NBEAL2: variants seen among roughly 807,000 people sequenced by gnomAD.
NBEAL2 encodes the protein neurobeachin-like protein 2.
A neutral mutation model predicts 299.8 loss-of-function variants in NBEAL2; 160 were observed. The ratio of observed to expected loss-of-function variants is 0.53; its 90% confidence interval spans 0.47 to 0.61. NBEAL2 has a LOEUF of 0.61. Among genes scored for constraint, NBEAL2 ranks in the 20% least tolerant of loss-of-function variants. The pLI is 0.00. For missense variants in NBEAL2, 3,112 were observed against 3,649.0 expected (o/e 0.85, Z 3.79); for synonymous variants, 1,493 against 1,542.3 (o/e 0.97, Z 0.75).
intron 26 of NBEAL2, 58 bp downstream of exon 26, chr3:46,999,773 C>T (rs2036818374): frequency 6.3e-7 from 1 of 1,592,734 alleles, no homozygotes; most frequent in Non-Finnish European, 8.6e-7. Flanking sequence ...ACCCTCTGGC[C>T]TTCCACCTTG....
Position 47,009,502 on chromosome 3 carries a change from GC to G in NBEAL2, c.*186del, listed in dbSNP as rs1251154664. The G allele has an allele frequency of 3.1e-6, 2 of 645,624 alleles. No homozygotes were observed. The highest frequency in any genetic ancestry group is 5.2e-6 in the Non-Finnish European group (2 of 381,582). The allele number at this position is 645,624 out of a possible 1,614,324, so 40.0% of individuals were successfully genotyped here. Reference sequence around the variant, plus strand: ...TCAGGGATTGGCGGGCGGAAGTCCCGCCCCTCGCCGGCTGAGGGGCCGCCCT... The same window carrying G: ...TCAGGGATTGGCGGGCGGAAGTCCCGCCCTCGCCGGCTGAGGGGCCGCCCT... On this transcript the variant is annotated 3_prime_UTR_variant, in exon 54 of 54. Transcript: ENST00000450053.
At chr3:47,005,893 A>G in intron 42 of NBEAL2, 46 bp downstream of exon 42, 1 of 1,612,842 alleles carries the variant, frequency 6.2e-7, no homozygotes, top group Non-Finnish European at 8.5e-7. Context: ...GGGGTTCTGA[A>G]GATCATGGGG....
Position 47,006,279 on chromosome 3 carries a change from G to A in NBEAL2, c.7017+17G>A. 3.7e-6 allele frequency: 6 copies of A among 1,612,182 alleles called. No individual in the cohort carries two copies. Among genetic ancestry groups the A allele is most frequent in the Non-Finnish European group, 5.1e-6 (6 of 1,179,214 alleles). On this transcript the variant is annotated intron_variant, in intron 44 of 53. Coordinates refer to ENST00000450053, the MANE Select transcript of NBEAL2 (RefSeq NM_015175.3). ...CTGCTGAAGGTAAGGCCAGCTTAGA[G>A]GATAGTGGCCAGGGATGCCCATGCC...
rs578159137 is a variant in NBEAL2, at chr3:46,995,360, G to A, written c.1625G>A (p.Gly542Glu). Residue 542 changes from glycine to glutamate, a missense_variant, in exon 13 of 54, where the codon GGA (glycine) becomes GAA (glutamate). Transcript: ENST00000450053. ...ELRHLLRPRP[G>E]LDSEPGGAEA... ...CGTCACCTGCTGCGCCCCCGGCCAG[G>A]ATTGGACTCGGAACCAGGCGGAGCT... 12 of 1,611,896 alleles carry A rather than the reference G, an allele frequency of 7.4e-6. No homozygotes were observed. The African/African-American group carries it at 1.5e-4, about 20-fold the overall frequency.
chr3:46,996,120 G>T, intron 15 of NBEAL2, 69 bp downstream of exon 15: 3 of 1,553,206 alleles, frequency 1.9e-6, no homozygotes, highest in South Asian at 2.4e-5. Context: ...GGCAGGTGTA[G>T]CCTGGAGCCC....
rs200571032 is a variant in NBEAL2, at chr3:47,004,377, C to T, written c.6182C>T (p.Ala2061Val). ...SSRSPQEMLRASGLTQKWVQR... is the reference protein window; with the variant it reads ...SSRSPQEMLRVSGLTQKWVQR... ...CGCTCCCCCCAGGAGATGCTGCGTG[C>T]CTCAGGCCTTACCCAGGTGAGAGCC... is the stretch of plus-strand genomic sequence containing the variant. Residue 2061 changes from alanine to valine, a missense_variant, in exon 37 of 54, where the codon GCC becomes GTC. Ala to Val is a moderately conservative substitution (Grantham distance 64). Coordinates refer to ENST00000450053, the MANE Select transcript of NBEAL2 (RefSeq NM_015175.3). This position sits in a 1 kb window ranked among gnomAD's most constrained non-coding sequence, Gnocchi z 5.0. The T allele has an allele frequency of 8.2e-6, 13 of 1,594,154 alleles. No individual in the cohort carries two copies. The highest frequency in any genetic ancestry group is 6.7e-5 in the African/African-American group (5 of 74,734).
In NBEAL2 at chr3:47,002,032, T is replaced by C. The variant is rs892114640; in HGVS notation, c.4895T>C (p.Val1632Ala). The change falls in exon 31 of 54, where the codon GTG becomes GCG. Residue 1632 changes from valine to alanine, a missense_variant. Physicochemically the swap from Val to Ala is moderately conservative, Grantham distance 64. Transcript: ENST00000450053. Reference sequence around the variant, plus strand: ...AAGCTGGAGGCTGCACTGGGGCGGGTGCTGAACACCTCTTCCTTGGAGTCA... The same window carrying C: ...AAGCTGGAGGCTGCACTGGGGCGGGCGCTGAACACCTCTTCCTTGGAGTCA... ...LSKLEAALGRVLNTSSLESAT... is the reference protein window; with the variant it reads ...LSKLEAALGRALNTSSLESAT... The C allele has an allele frequency of 3.2e-6, 5 of 1,567,340 alleles. No homozygotes were observed. The highest frequency in any genetic ancestry group is 4.3e-6 in the Non-Finnish European group (5 of 1,156,604).
Position 47,007,552 on chromosome 3 carries a change from G to A in NBEAL2, c.7362G>A (p.Trp2454Ter). 2 of 1,612,448 alleles carry A rather than the reference G, an allele frequency of 1.2e-6. No homozygotes were observed. The highest frequency in any genetic ancestry group is 1.1e-5 in the South Asian group (1 of 90,894). The change falls in exon 48 of 54, where the codon TGG becomes TGA. Residue 2454 changes from tryptophan to a stop codon, truncating the protein, a stop_gained. Coordinates refer to ENST00000450053, the MANE Select transcript of NBEAL2 (RefSeq NM_015175.3). LOFTEE classifies it high-confidence loss of function. ...HKTQRLLSGPWVPGSGVSGQA... is the reference protein window; with the variant it reads ...HKTQRLLSGP ...CGCAGCGACTGCTGAGTGGCCCGTG[G>A]GTGCCAGGCAGTGGTGTGAGTGGAC...
At chr3:46,996,651 G>C (rs781005652) in intron 16 of NBEAL2, 59 bp downstream of exon 16, 1 of 1,524,086 alleles carries the variant, frequency 6.6e-7, no homozygotes, top group South Asian at 1.3e-5. Context: ...GGTCCGGGGG[G>C]AGAAGGCATC....
Position 46,988,418 on chromosome 3 carries a change from G to C in NBEAL2, c.52-251G>C, listed in dbSNP as rs1007053861. Among the ~76,000 whole-genome samples, 1 of 152,166 alleles carries C rather than the reference G, an allele frequency of 6.6e-6. No homozygotes were observed. The highest frequency in any genetic ancestry group is 1.5e-5 in the Non-Finnish European group (1 of 68,016). On this transcript the variant is annotated intron_variant, in intron 1 of 53. Coordinates refer to ENST00000450053, the MANE Select transcript of NBEAL2 (RefSeq NM_015175.3). This position sits in a 1 kb window ranked among gnomAD's most constrained non-coding sequence, Gnocchi z 4.4. ...GTGGGAGCAGAAACTGGGAGGCTGA[G>C]AGAAGCAGTGGGGTGCCTGGAAAAG...
At position 46,998,125 on chromosome 3, in the gene NBEAL2, A is replaced by C. The variant is rs1405964989; in HGVS notation, c.3017A>C (p.Gln1006Pro). ...VLMSAQLLME[Q>P]VAAEGSGPLL... ...ATGTCCGCCCAGCTGCTGATGGAGC[A>C]GGTGGCAGCTGAGGGCAGCGGGCCC... Residue 1006 changes from glutamine (Q) to proline (P), a missense_variant, in exon 21 of 54, where the codon CAG (glutamine) becomes CCG (proline). Physicochemically the swap from Gln to Pro is moderately conservative, Grantham distance 76. Transcript: ENST00000450053. 6.3e-7 allele frequency: 1 copy of C among 1,590,516 alleles called. No individual in the cohort carries two copies. Among genetic ancestry groups the C allele is most frequent in the African/African-American group, 1.3e-5 (1 of 74,418 alleles).
Position 46,989,154 on chromosome 3 carries a change from G to A in NBEAL2, c.339G>A (p.Lys113=). ...CCCGAGTGCTGGCACTGTTGACCAAGTTGGTGGCGGAGGTGAAGTGGCCTC... is the reference window on the plus strand; with the variant it reads ...CCCGAGTGCTGGCACTGTTGACCAAATTGGTGGCGGAGGTGAAGTGGCCTC... ...LVPRVLALLT[K]LVAELKGCPP... is the part of the protein sequence containing the mutation. Residue 113 remains lysine (K), a synonymous_variant, in exon 4 of 54, where the codon AAG becomes AAA. Transcript: ENST00000450053. The surrounding 1 kb of genome is among the most constrained non-coding windows in gnomAD (Gnocchi z 5.5). 1 of 1,613,962 alleles carries A rather than the reference G, an allele frequency of 6.2e-7. No individual in the cohort carries two copies. Among genetic ancestry groups the A allele is most frequent in the South Asian group, 1.1e-5 (1 of 91,078 alleles).
intron 40 of NBEAL2, 67 bp downstream of exon 40, chr3:47,005,388 T>A: frequency 6.4e-7 from 1 of 1,573,756 alleles, no homozygotes; most frequent in South Asian, 1.2e-5. Context: ...CCTCCCCACA[T>A]CCTGGGCCCA....
Position 47,009,220 on chromosome 3 carries a change from T to G in NBEAL2, c.8165T>G (p.Val2722Gly). ...IVVVAGQPSE[V>G]RSSQFARKLW... ...CTACTCAACCCTTACGCCCACCAGG[T>G]GCGCAGCAGCCAGTTCGCGCGGAAG... Residue 2722 changes from valine to glycine, a missense_variant and splice_region_variant, in exon 54 of 54, where the codon GTG (valine) becomes GGG (glycine). Val to Gly is a moderately radical substitution (Grantham distance 109). Coordinates refer to ENST00000450053, the MANE Select transcript of NBEAL2 (RefSeq NM_015175.3). 1 of 1,593,348 alleles carries G rather than the reference T, an allele frequency of 6.3e-7. No individual in the cohort carries two copies. The highest frequency in any genetic ancestry group is 8.5e-7 in the Non-Finnish European group (1 of 1,171,698).
rs749824164 is a variant in NBEAL2, at chr3:47,009,124, G to A, written c.8163G>A (p.Glu2721=). Residue 2721 remains glutamate (E), a splice_region_variant and synonymous_variant, in exon 53 of 54, where the codon GAG becomes GAA. Transcript: ENST00000450053. ...TGGTGGTCGCGGGGCAGCCCTCTGAGGTGAGGATGGGGCGGGGGTGGGGAG... is the reference window on the plus strand; with the variant it reads ...TGGTGGTCGCGGGGCAGCCCTCTGAAGTGAGGATGGGGCGGGGGTGGGGAG... ...LIVVVAGQPS[E]VRSSQFARKL... is the part of the protein sequence containing the mutation. The A allele has an allele frequency of 8.9e-6, 14 of 1,571,258 alleles. No homozygotes were observed. Among genetic ancestry groups the A allele is most frequent in the Non-Finnish European group, 1.2e-5 (14 of 1,162,686 alleles).
chr3:46,993,861 C>T, intron 10 of NBEAL2, 76 bp from the exon 11 acceptor site: 2 of 1,367,980 alleles, frequency 1.5e-6, no homozygotes, highest in South Asian at 1.2e-5. Context: ...TGGCTCTGCA[C>T]CTTTTTTACT....
intron 51 of NBEAL2, 26 bp from the exon 52 acceptor site, chr3:47,008,494 T>G: frequency 6.2e-7 from 1 of 1,610,902 alleles, no homozygotes; most frequent in Non-Finnish European, 8.5e-7. Flanking sequence ...GATCCTGTCC[T>G]TGCTGACACT....
At position 46,996,749 on chromosome 3, in the gene NBEAL2, AG is replaced by A; in HGVS notation, c.2475del. The A allele has an allele frequency of 6.2e-7, 1 of 1,608,528 alleles. No homozygotes were observed. The highest frequency in any genetic ancestry group is 8.5e-7 in the Non-Finnish European group (1 of 1,176,366). On this transcript the variant is annotated splice_acceptor_variant, in intron 16 of 53. Coordinates refer to ENST00000450053, the MANE Select transcript of NBEAL2 (RefSeq NM_015175.3). LOFTEE classifies it high-confidence loss of function. ...GTCTGAAGCCCCCTGCCCACCTCCC[AG>A]GGCCCAATGAGACGGCACCCTTCAA...
Position 46,999,683 on chromosome 3 carries a change from G to T in NBEAL2, c.3757G>T (p.Asp1253Tyr). ...TGTGGTACAGCTGTCCCTCCAGGCT[G>T]ACCTCAGCGTTCGCCTAGACATCTG... ...LAVVQLSLQA[D>Y]LSVRLDICRQ... Residue 1253 changes from aspartate to tyrosine, a missense_variant, in exon 26 of 54, where the codon GAC (aspartate) becomes TAC (tyrosine). By Grantham distance (160) the Asp-to-Tyr change is radical. Coordinates refer to ENST00000450053, the MANE Select transcript of NBEAL2 (RefSeq NM_015175.3). The T allele has an allele frequency of 6.2e-7, 1 of 1,613,636 alleles. No individual in the cohort carries two copies. Among genetic ancestry groups the T allele is most frequent in the Non-Finnish European group, 8.5e-7 (1 of 1,179,810 alleles).
Sources: gnomAD v4.1 joint callset for allele counts (sites outside exome capture counted in the v4.1 genomes callset) on GRCh38, gnomAD v4.1.1 for gene constraint, Gnocchi (gnomAD v3.1) non-coding constraint, MANE v1.5 for transcripts, NCBI Gene and HGNC (gene_info 2026-07-23, HGNC 2026-07-21) for gene names.